The following PCDHGA6 variants were observed in gnomAD, a reference collection of about 807,000 sequenced individuals.
PCDHGA6 encodes the protein protocadherin gamma-A6.
A neutral mutation model predicts 60.6 loss-of-function variants in PCDHGA6; 41 were observed. The observed-to-expected ratio is 0.68, with a 90% CI of 0.53 to 0.88. The LOEUF is 0.88. Ranked by LOEUF, PCDHGA6 falls within the 40% of genes least tolerant of loss-of-function variation. The pLI, the probability that PCDHGA6 is intolerant of heterozygous loss-of-function variation, is 0.00. For synonymous variants in PCDHGA6, 594 were observed against 524.4 expected (o/e 1.13, Z -1.81); for missense variants, 1,312 against 1,203.0 (o/e 1.09, Z -1.34).
intron 1 of PCDHGA6, among the ~76,000 whole-genome samples, chr5:141,479,965 T>C (rs2099510479): frequency 6.6e-6 from 1 of 152,234 alleles, no homozygotes; most frequent in East Asian, 1.9e-4. Context: ...GTTAGTCAAA[T>C]GAGGTTCTAC....
In PCDHGA6 at chr5:141,408,093, G is replaced by C. The variant is rs533105778; in HGVS notation, c.2424+31586G>C. On this transcript the variant is annotated intron_variant, in intron 1 of 3. Transcript: ENST00000517434. ...CCTTTCCCAGCACAGCGGATTGCCA[G>C]CTCCGAGACCCGGGACTCCTCCTGT... The C allele has an allele frequency of 7.0e-6, 10 of 1,429,954 alleles. No homozygotes were observed. In the Admixed American group the frequency reaches 1.4e-4, roughly 20 times the overall value. 88.6% of individuals were successfully genotyped at this position (1,429,954 alleles called of 1,614,324 possible).
chr5:141,410,849 C>CTTTTTTTTTTTT lies in PCDHGA6; in HGVS notation c.2424+34353_2424+34364dup. The CTTTTTTTTTTTT allele has an allele frequency of 2.7e-3, 375 of 138,154 alleles. 24 individuals are homozygous for CTTTTTTTTTTTT. The highest frequency in any genetic ancestry group is 6.9e-3 in the African/African-American group (114 of 16,622). 8.6% of individuals were successfully genotyped at this position (138,154 alleles called of 1,614,324 possible). ...CAGACTGAAGATATTTTGTCTTTGTCTTTTTTTTTTTTTTTTTTTTTTGAG... is the reference window on the plus strand; with the variant it reads ...CAGACTGAAGATATTTTGTCTTTGTCTTTTTTTTTTTTTTTTTTTTTTTTTTTTTTTTTTGAG... On this transcript the variant is annotated intron_variant, in intron 1 of 3. Coordinates refer to ENST00000517434, the MANE Select transcript of PCDHGA6 (RefSeq NM_018919.3).
chr5:141,384,614 C>T, intron 1 of PCDHGA6: 1 of 1,614,222 alleles, frequency 6.2e-7, no homozygotes, highest in Non-Finnish European at 8.5e-7. Context: ...ACAGATGGTT[C>T]TACTGGCATG....
At chr5:141,401,059 G>T (rs1418485253) in intron 1 of PCDHGA6, among the ~76,000 whole-genome samples, 2 of 152,082 alleles carry the variant, frequency 1.3e-5, no homozygotes, top group Non-Finnish European at 2.9e-5. Flanking sequence ...AATACTATAT[G>T]TTGGCTGGGT....
At chr5:141,417,950 GAGCCGATCCGCT>G (rs1361985861) in intron 1 of PCDHGA6, 1 of 1,613,484 alleles carries the variant, frequency 6.2e-7, no homozygotes, top group African/African-American at 1.3e-5. Context: ...CACGCTGTGT[GAGCCGATCCGCT>G]ACTCGATTCC....
At chr5:141,402,859 G>A (rs1314987043) in intron 1 of PCDHGA6, 8 of 1,428,738 alleles carry the variant, frequency 5.6e-6, no homozygotes, top group Non-Finnish European at 7.4e-6. Flanking sequence ...TTCTTCTAAG[G>A]AAAAGATCAC....
intron 1 of PCDHGA6, chr5:141,418,485 A>T: frequency 6.2e-7 from 1 of 1,614,028 alleles, no homozygotes; most frequent in Non-Finnish European, 8.5e-7. Flanking sequence ...AGCGCTCACC[A>T]CTTGGTACTG....
In PCDHGA6 at chr5:141,486,042, G is replaced by A; in HGVS notation, c.2425-8765G>A. The A allele has an allele frequency of 6.2e-7, 1 of 1,614,180 alleles. No individual in the cohort carries two copies. The highest frequency in any genetic ancestry group is 8.5e-7 in the Non-Finnish European group (1 of 1,180,030). On this transcript the variant is annotated intron_variant, in intron 1 of 3. Coordinates refer to ENST00000517434, the MANE Select transcript of PCDHGA6 (RefSeq NM_018919.3). This position sits in a 1 kb window ranked among gnomAD's most constrained non-coding sequence, Gnocchi z 5.0. The stretch of plus-strand genomic sequence containing the variant: ...AGTGGTCATACCCCTGATCGTGTAA[G>A]AAACCTCTTTAGCCTGCACCCCACT...
Position 141,491,935 on chromosome 5 carries a change from C to A in PCDHGA6, c.2425-2872C>A. 1 of 1,205,518 alleles carries A rather than the reference C, an allele frequency of 8.3e-7. No homozygotes were observed. Among genetic ancestry groups the A allele is most frequent in the South Asian group, 1.7e-5 (1 of 59,176 alleles). 74.7% of individuals were successfully genotyped at this position (1,205,518 alleles called of 1,614,324 possible). On this transcript the variant is annotated intron_variant, in intron 1 of 3. Transcript: ENST00000517434. The surrounding 1 kb of genome is among the most constrained non-coding windows in gnomAD (Gnocchi z 6.9). ...GACTGTGGGCGAGGGGAGGTGGGACCGACCCCCACCCCTACACTCAAAAAA... is the reference window on the plus strand; with the variant it reads ...GACTGTGGGCGAGGGGAGGTGGGACAGACCCCCACCCCTACACTCAAAAAA...
Position 141,432,503 on chromosome 5 carries a change from G to A in PCDHGA6, c.2424+55996G>A, listed in dbSNP as rs939325676. On this transcript the variant is annotated intron_variant, in intron 1 of 3. Transcript: ENST00000517434. This position sits in a 1 kb window ranked among gnomAD's most constrained non-coding sequence, Gnocchi z 6.0. ...TGGCGTGGAGCTGGCTCCCCGCTCC[G>A]CAGAGCCCGGCTACCTGGTGACCAA... 5 of 1,613,988 alleles carry A rather than the reference G, an allele frequency of 3.1e-6. No individual in the cohort carries two copies. Among genetic ancestry groups the A allele is most frequent in the Non-Finnish European group, 2.5e-6 (3 of 1,180,038 alleles).
intron 1 of PCDHGA6, chr5:141,426,610 C>G (rs1376781969): frequency 2.6e-6 from 1 of 382,832 alleles, no homozygotes; most frequent in Non-Finnish European, 5.3e-6. Context: ...GAGATTGTAG[C>G]AGAGAATCCT....
rs753936459 is a variant in PCDHGA6 at position 141,501,288 on chromosome 5, TATAC to T, written c.2484-4103_2484-4100del. Among the ~76,000 whole-genome samples the T allele has an allele frequency of 4.5e-4, 37 of 81,322 alleles. No homozygotes were observed. The South Asian group carries it at 5.1e-3, about 11-fold the overall frequency. 53.4% of individuals were successfully genotyped at this position (81,322 alleles called of 152,430 possible). A position where few individuals can be genotyped will look rare whatever the true frequency, so the allele number is the denominator to read the frequency against. ...TAGTCCAGTCTATGGGATATTCCCT[TATAC>T]ACACACACACACACACACACACACA... On this transcript the variant is annotated intron_variant, in intron 2 of 3. Coordinates refer to ENST00000517434, the MANE Select transcript of PCDHGA6 (RefSeq NM_018919.3).
At chr5:141,419,290 T>C (rs1160812369) in intron 1 of PCDHGA6, 1 of 1,613,914 alleles carries the variant, frequency 6.2e-7, no homozygotes, top group African/African-American at 1.3e-5. Context: ...TCAGTGCCTC[T>C]GACCCAGACT....
At position 141,428,400 on chromosome 5, in the gene PCDHGA6, G is replaced by T. The variant is rs373595231; in HGVS notation, c.2424+51893G>T. 3 of 483,290 alleles carry T rather than the reference G, an allele frequency of 6.2e-6. No individual in the cohort carries two copies. The East Asian group carries it at 1.2e-4, about 20-fold the overall frequency. 29.9% of individuals were successfully genotyped at this position (483,290 alleles called of 1,614,324 possible). ...GATGCTCTTCCAGCCCCTCTGCCTGGGGTTGCTTTCACCCTGGTCTCTGTT... is the reference window on the plus strand; with the variant it reads ...GATGCTCTTCCAGCCCCTCTGCCTGTGGTTGCTTTCACCCTGGTCTCTGTT... On this transcript the variant is annotated intron_variant, in intron 1 of 3. Coordinates refer to ENST00000517434, the MANE Select transcript of PCDHGA6 (RefSeq NM_018919.3).
chr5:141,420,920 A>G, intron 1 of PCDHGA6: 1 of 338,894 alleles, frequency 3.0e-6, no homozygotes, highest in Middle Eastern at 8.3e-4. Flanking sequence ...GTGATTCACA[A>G]AGGTGAGCGT....
intron 1 of PCDHGA6, chr5:141,479,691 C>T (rs2099503603): frequency 6.6e-6 from 1 of 152,206 alleles, no homozygotes; most frequent in Non-Finnish European, 1.5e-5. Context: ...TTTGGTGCCT[C>T]CAGTGTTAGT....
chr5:141,415,819 TA>T, intron 1 of PCDHGA6: 2 of 1,328,322 alleles, frequency 1.5e-6, no homozygotes, highest in African/African-American at 1.5e-5. Context: ...CTATATATCA[TA>T]AGGCTTTGTT....
rs2099627530 is a variant in PCDHGA6, at chr5:141,486,292, T to C, written c.2425-8515T>C. On this transcript the variant is annotated intron_variant, in intron 1 of 3. Transcript: ENST00000517434. This position sits in a 1 kb window ranked among gnomAD's most constrained non-coding sequence, Gnocchi z 5.0. ...CTGGCACTGTGGTGGCACTTATCAGTGTGCAGGATCCAGACTCAGGGTCAA... is the reference window on the plus strand; with the variant it reads ...CTGGCACTGTGGTGGCACTTATCAGCGTGCAGGATCCAGACTCAGGGTCAA... 5 of 1,613,970 alleles carry C rather than the reference T, an allele frequency of 3.1e-6. No individual in the cohort carries two copies. The highest frequency in any genetic ancestry group is 4.2e-6 in the Non-Finnish European group (5 of 1,179,982).
chr5:141,409,102 G>T, intron 1 of PCDHGA6: 2 of 1,613,996 alleles, frequency 1.2e-6, no homozygotes, highest in Non-Finnish European at 8.5e-7. Flanking sequence ...AAACAGGTAT[G>T]ATTAAGAATA....
Sources: gnomAD v4.1 joint callset for allele counts (sites outside exome capture counted in the v4.1 genomes callset) on GRCh38, gnomAD v4.1.1 for gene constraint, Gnocchi (gnomAD v3.1) non-coding constraint, MANE v1.5 for transcripts, NCBI Gene and HGNC (gene_info 2026-07-23, HGNC 2026-07-21) for gene names.